MYH8: variants seen among roughly 807,000 people sequenced by gnomAD.
The protein encoded by MYH8 is myosin-8.
MYH8 carries 168 observed loss-of-function variants against 233.2 expected under a neutral mutation model. The observed-to-expected ratio is 0.72, with a 90% CI of 0.64 to 0.82. MYH8 has a LOEUF of 0.82. Ranked by LOEUF, MYH8 falls within the 40% of genes least tolerant of loss-of-function variation. The probability of loss-of-function intolerance (pLI) is 0.00; values close to 1 mark genes in which losing one functional copy is unlikely to be tolerated. For synonymous variants in MYH8, 785 were observed against 850.6 expected (o/e 0.92, Z 1.34); for missense variants, 1,995 against 2,327.8 (o/e 0.86, Z 2.94).
intron 30 of MYH8, among the ~76,000 whole-genome samples, 157 bp downstream of exon 30, chr17:10,398,287 G>A (rs1023811110): frequency 2.0e-5 from 3 of 152,068 alleles, no homozygotes; most frequent in African/African-American, 7.2e-5. Flanking sequence ...TTGTTATGAA[G>A]GTAAATAAGC....
In MYH8 at chr17:10,396,974, G is replaced by T; in HGVS notation, c.4191C>A (p.Ala1397=). The T allele has an allele frequency of 1.9e-6, 3 of 1,614,134 alleles. No homozygotes were observed. Among genetic ancestry groups the T allele is most frequent in the Non-Finnish European group, 2.5e-6 (3 of 1,180,022 alleles). ...GTTCCTCAGCTTCTTGCAGGCGCTG[G>T]GCCAACTTTTTCCTGAAAAGTTAGC... is the stretch of plus-strand genomic sequence containing the variant. ...EELEEAKKKL[A]QRLQEAEEHV... The change falls in exon 31 of 40, where the codon GCC becomes GCA. Residue 1397 remains alanine (A), a synonymous_variant. Transcript: ENST00000403437. The surrounding 1 kb of genome is among the most constrained non-coding windows in gnomAD (Gnocchi z 4.2).
chr17:10,418,540 T>A (rs931395476), intron 5 of MYH8, 105 bp downstream of exon 5: 44 of 1,597,784 alleles, frequency 2.8e-5, no homozygotes, highest in Admixed American at 1.5e-4. Context: ...AAGCCCCATG[T>A]GGCTAGAATG....
In MYH8 at chr17:10,391,971, C is replaced by T. The variant is rs1039866740; in HGVS notation, c.5575G>A (p.Glu1859Lys). 4 of 1,613,832 alleles carry T rather than the reference C, an allele frequency of 2.5e-6. No individual in the cohort carries two copies. In the Admixed American group the frequency reaches 6.7e-5, roughly 27 times the overall value. Reference sequence around the variant, plus strand: ...AGCCTGAGAACATTCTTGCGATCTTCTTCAGTCTGAAAGTTTGAAAAAAAT... The same window carrying T: ...AGCCTGAGAACATTCTTGCGATCTTTTTCAGTCTGAAAGTTTGAAAAAAAT... The part of the protein sequence containing the change: ...RVKELTYQTE[E>K]DRKNVLRLQD... Residue 1859 changes from glutamate (E) to lysine (K), a missense_variant, in exon 39 of 40, where the codon GAA (glutamate) becomes AAA (lysine). Physicochemically the swap from Glu to Lys is moderately conservative, Grantham distance 56. Around this residue, in one of 3 missense-constraint regions of MYH8, gnomAD observed 1,498 missense variants for 1,680.9 expected, o/e 0.89. Coordinates refer to ENST00000403437, the MANE Select transcript of MYH8 (RefSeq NM_002472.3).
chr17:10,396,326 G>A lies in MYH8; in HGVS notation c.4653+4C>T, dbSNP rs2072077897. The A allele has an allele frequency of 1.2e-6, 2 of 1,613,590 alleles. No homozygotes were observed. The highest frequency in any genetic ancestry group is 1.3e-5 in the African/African-American group (1 of 74,884). The stretch of plus-strand genomic sequence containing the variant: ...TCCATAACATAATACAAGGTAATAT[G>A]TACCTCTGCTTCCTCTAAAGCAGCC... On this transcript the variant is annotated splice_donor_region_variant and intron_variant, in intron 33 of 39. Transcript: ENST00000403437. The surrounding 1 kb of genome is among the most constrained non-coding windows in gnomAD (Gnocchi z 4.2).
At chr17:10,398,127 A>G (rs779917634) in intron 30 of MYH8, among the ~76,000 whole-genome samples, 5 of 152,194 alleles carry the variant, frequency 3.3e-5, no homozygotes, top group Admixed American at 6.5e-5. Context: ...TCAGTGCTTA[A>G]GAAGGTGGGC....
chr17:10,415,584 T>A lies in MYH8; in HGVS notation c.540-4A>T. ...CTTTCCGGCACCAGATTCTCCGCTG[T>A]CAAACAGAAATCAGAGAAGAGATCA... is the stretch of plus-strand genomic sequence containing the variant. On this transcript the variant is annotated splice_region_variant and splice_polypyrimidine_tract_variant and intron_variant, in intron 6 of 39. Transcript: ENST00000403437. The surrounding 1 kb of genome is among the most constrained non-coding windows in gnomAD (Gnocchi z 4.1). The A allele has an allele frequency of 6.2e-7, 1 of 1,614,090 alleles. No homozygotes were observed. The highest frequency in any genetic ancestry group is 1.3e-5 in the African/African-American group (1 of 75,022).
In MYH8 at chr17:10,415,544, C is replaced by G; in HGVS notation, c.576G>C (p.Lys192Asn). Residue 192 changes from lysine (K) to asparagine (N), a missense_variant, in exon 7 of 40, where the codon AAG (lysine) becomes AAC (asparagine). Coordinates refer to ENST00000403437, the MANE Select transcript of MYH8 (RefSeq NM_002472.3). This position sits in a 1 kb window ranked among gnomAD's most constrained non-coding sequence, Gnocchi z 4.1. The part of the protein sequence containing the change: ...ESGAGKTVNT[K>N]RVIQYFATIA... ...TTGTTGCAAAGTATTGGATGACACG[C>G]TTGGTGTTCACAGTCTTTCCGGCAC... The G allele has an allele frequency of 1.2e-6, 2 of 1,614,218 alleles. No individual in the cohort carries two copies. The highest frequency in any genetic ancestry group is 1.7e-6 in the Non-Finnish European group (2 of 1,180,030).
At chr17:10,397,048 T>G in intron 30 of MYH8, 62 bp from the exon 31 acceptor site, 1 of 1,550,600 alleles carries the variant, frequency 6.4e-7, no homozygotes, top group Middle Eastern at 1.7e-4. Flanking sequence ...GATAACCTCC[T>G]TGGTCCCTTT....
intron 9 of MYH8, 146 bp from the exon 10 acceptor site, chr17:10,414,630 G>A: frequency 1.5e-6 from 1 of 676,292 alleles, no homozygotes; most frequent in Non-Finnish European, 2.7e-6. Flanking sequence ...GATAGACAGT[G>A]ATTCTCACTG....
chr17:10,398,675 G>A, intron 29 of MYH8, 35 bp from the exon 30 acceptor site: 1 of 1,614,110 alleles, frequency 6.2e-7, no homozygotes, highest in South Asian at 1.1e-5. Flanking sequence ...ATAAATTCAT[G>A]TATTCAGTGA....
chr17:10,395,723 ATC>A (rs1567681899), intron 33 of MYH8, among the ~76,000 whole-genome samples: 1 of 152,024 alleles, frequency 6.6e-6, no homozygotes, highest in Non-Finnish European at 1.5e-5. Context: ...TAAATTCTCA[ATC>A]TGTTTTAGAA....
chr17:10,392,840 C>A lies in MYH8; in HGVS notation c.5454G>T (p.Leu1818=), dbSNP rs199635411. 9 of 1,614,158 alleles carry A rather than the reference C, an allele frequency of 5.6e-6. No homozygotes were observed. In the African/African-American group the frequency reaches 1.1e-4, roughly 19 times the overall value. ...AGATTGAGACACCCACCCTGGCCTC[C>A]AGTTTCTGGATCTGCTTCTTCCCAC... is the stretch of plus-strand genomic sequence containing the variant. ...LKGGKKQIQK[L]EARVRELEGE... is the part of the protein sequence containing the mutation. Residue 1818 remains leucine (L), a synonymous_variant, in exon 37 of 40, where the codon CTG becomes CTT. Transcript: ENST00000403437.
At chr17:10,407,159 G>A (rs1386626761) in intron 17 of MYH8, among the ~76,000 whole-genome samples, 180 bp from the exon 18 acceptor site, 2 of 152,200 alleles carry the variant, frequency 1.3e-5, no homozygotes, top group Non-Finnish European at 2.9e-5. Context: ...AAAGGCCAAA[G>A]TGGTTGGAAG....
chr17:10,419,325 T>G lies in MYH8; in HGVS notation c.211-295A>C, dbSNP rs749721705. 4.6e-5 allele frequency among the ~76,000 whole-genome samples: 7 copies of G among 152,204 alleles called. No individual in the cohort carries two copies. The highest frequency in any genetic ancestry group is 1.7e-4 in the African/African-American group (7 of 41,456). On this transcript the variant is annotated intron_variant, in intron 3 of 39. Transcript: ENST00000403437. The surrounding 1 kb of genome is among the most constrained non-coding windows in gnomAD (Gnocchi z 4.0). Reference sequence around the variant, plus strand: ...CACCTGCCTCAGCCTCCCAAAGTGCTGGGATTACAGGCGTGAGCCACTGCG... The same window carrying G: ...CACCTGCCTCAGCCTCCCAAAGTGCGGGGATTACAGGCGTGAGCCACTGCG...
In MYH8 at chr17:10,409,447, C is replaced by T; in HGVS notation, c.1729G>A (p.Glu577Lys). Residue 577 changes from glutamate (E) to lysine (K), a missense_variant, in exon 16 of 40, where the codon GAG (glutamate) becomes AAG (lysine). By Grantham distance (56) the Glu-to-Lys change is moderately conservative. This residue lies in a region of MYH8 where 1,498 missense variants were observed against 1,680.9 expected (regional missense o/e 0.89). Transcript: ENST00000403437. Reference sequence around the variant, plus strand: ...TAGTGAATCAGAGAGAAGTGGGCCTCAGCCTTGCCTTTGACCACCTTGGGC... The same window carrying T: ...TAGTGAATCAGAGAGAAGTGGGCCTTAGCCTTGCCTTTGACCACCTTGGGC... ...QKPKVVKGKA[E>K]AHFSLIHYAG... is the part of the protein sequence containing the mutation. The T allele has an allele frequency of 6.2e-7, 1 of 1,614,248 alleles. No homozygotes were observed. The highest frequency in any genetic ancestry group is 8.5e-7 in the Non-Finnish European group (1 of 1,180,050).
Position 10,393,991 on chromosome 17 carries a change from C to CTTTTTTTTTTT in MYH8, c.5166+247_5166+257dup, listed in dbSNP as rs35512526. On this transcript the variant is annotated intron_variant, in intron 35 of 39. Transcript: ENST00000403437. ...TTATTTTTAAATAAAAAAGTAATAG[C>CTTTTTTTTTTT]TTTTTTTTTTTTTTTTTTTTTTTTT... Among the ~76,000 whole-genome samples the CTTTTTTTTTTT allele has an allele frequency of 3.9e-4, 14 of 36,002 alleles. 2 individuals are homozygous for CTTTTTTTTTTT. The highest frequency in any genetic ancestry group is 1.5e-3 in the African/African-American group (12 of 8,014). The allele number at this position is 36,002 out of a possible 152,430, so 23.6% of individuals were successfully genotyped here. A position where few individuals can be genotyped will look rare whatever the true frequency, so the allele number is the denominator to read the frequency against.
Position 10,401,060 on chromosome 17 carries a change from A to G in MYH8, c.3240T>C (p.Asp1080=), listed in dbSNP as rs752905198. 1.9e-5 allele frequency: 30 copies of G among 1,614,052 alleles called. No individual in the cohort carries two copies. Among genetic ancestry groups the G allele is most frequent in the Non-Finnish European group, 2.4e-5 (28 of 1,180,040 alleles). The change falls in exon 25 of 40, where the codon GAT becomes GAC. Residue 1080 remains aspartate, a synonymous_variant. Coordinates refer to ENST00000403437, the MANE Select transcript of MYH8 (RefSeq NM_002472.3). ...AAGGCTCCTACTTTTCAAGCTTTTC[A>G]TCAAGTTGCTGTTTGTCATTTTCCA... ...MDMENDKQQL[D]EKLEKKEFEI... is the part of the protein sequence containing the mutation.
rs770787118 is a variant in MYH8, at chr17:10,390,569, C to G, written c.5699G>C (p.Arg1900Pro). Residue 1900 changes from arginine to proline, a missense_variant, in exon 40 of 40, where the codon CGC (arginine) becomes CCC (proline). This residue lies in a region of MYH8 where 1,498 missense variants were observed against 1,680.9 expected (regional missense o/e 0.89). Transcript: ENST00000403437. ...CTCCTCCAGCTCATGCTGGAGTTTG[C>G]GGAATTTAGATAGATTAGCATTGGA... ...EQSNANLSKF[R>P]KLQHELEEAE... The G allele has an allele frequency of 6.2e-7, 1 of 1,614,056 alleles. No individual in the cohort carries two copies. The highest frequency in any genetic ancestry group is 2.2e-5 in the East Asian group (1 of 44,880).
chr17:10,392,464 T>C (rs1469562063), intron 38 of MYH8, 78 bp downstream of exon 38: 6 of 1,269,304 alleles, frequency 4.7e-6, no homozygotes, highest in Non-Finnish European at 6.9e-6. Context: ...GTGAGTGGCA[T>C]ATAAATAAAT....
Sources: gnomAD v4.1 joint callset for allele counts (sites outside exome capture counted in the v4.1 genomes callset) on GRCh38, gnomAD v4.1.1 for gene constraint, gnomAD v4.1.1 regional missense constraint, Gnocchi (gnomAD v3.1) non-coding constraint, MANE v1.5 for transcripts, NCBI Gene and HGNC (gene_info 2026-07-23, HGNC 2026-07-21) for gene names.